The following CSMD2 variants were observed in gnomAD, a reference collection of about 807,000 sequenced individuals.
The protein encoded by CSMD2 is CUB and sushi domain-containing protein 2.
A neutral mutation model predicts 398.5 loss-of-function variants in CSMD2; 130 were observed. The observed-to-expected ratio is 0.33, with a 90% CI of 0.28 to 0.38. The LOEUF (loss-of-function observed/expected upper bound fraction) is 0.38. Among genes scored for constraint, CSMD2 ranks in the 10% least tolerant of loss-of-function variants. The probability of loss-of-function intolerance (pLI) is 1.00; values close to 1 mark genes in which losing one functional copy is unlikely to be tolerated. For missense variants in CSMD2, 3,829 were observed against 4,764.9 expected, an observed-to-expected ratio of 0.80 and a Z score of 5.78; for synonymous variants, 1,828 against 1,908.5, an observed-to-expected ratio of 0.96 and a Z score of 1.10.
chr1:34,118,043 A>G (rs1012971145), intron 1 of CSMD2, among the ~76,000 whole-genome samples: 1 of 152,056 alleles, frequency 6.6e-6, no homozygotes, highest in African/African-American at 2.4e-5. Context: ...GTGAAACCCC[A>G]TCTCTACTAA....
At chr1:33,894,738 C>G (rs1048288857) in intron 5 of CSMD2, among the ~76,000 whole-genome samples, 10 of 152,202 alleles carry the variant, frequency 6.6e-5, no homozygotes, top group African/African-American at 1.9e-4. Flanking sequence ...GGAACCCAAA[C>G]TTGGAAAATA....
chr1:33,895,044 G>T (rs1642285348), intron 5 of CSMD2, among the ~76,000 whole-genome samples: 2 of 152,112 alleles, frequency 1.3e-5, no homozygotes, highest in Non-Finnish European at 2.9e-5. Context: ...AGTAATTCTT[G>T]CCCACCTCAG....
chr1:33,686,048 G>T (rs1003903083), intron 25 of CSMD2, among the ~76,000 whole-genome samples: 4 of 152,196 alleles, frequency 2.6e-5, no homozygotes, highest in Admixed American at 6.5e-5. Flanking sequence ...GTAATTGTCA[G>T]ATCTCAAGGA....
intron 13 of CSMD2, among the ~76,000 whole-genome samples, chr1:33,769,013 C>T (rs140724179): frequency 0.029 from 4,373 of 152,268 alleles, 82 homozygotes; most frequent in Non-Finnish European, 0.042. Context: ...TTGAAAGTGG[C>T]TGCTAATGGA....
At chr1:33,693,077 G>C (rs1365125647) in intron 24 of CSMD2, 21 bp from the exon 25 acceptor site, 3 of 1,582,708 alleles carry the variant, frequency 1.9e-6, no homozygotes, top group Non-Finnish European at 2.6e-6. Flanking sequence ...TCCCAAAAGA[G>C]TGAGCTTCAT....
At chr1:33,767,240 A>G (rs1650622754) in intron 13 of CSMD2, among the ~76,000 whole-genome samples, 1 of 152,252 alleles carries the variant, frequency 6.6e-6, no homozygotes, top group Non-Finnish European at 1.5e-5. Context: ...TCTGATGAAG[A>G]CCACATAACA....
chr1:33,989,987 A>T (rs1036070073), intron 3 of CSMD2, among the ~76,000 whole-genome samples: 1 of 152,166 alleles, frequency 6.6e-6, no homozygotes, highest in Non-Finnish European at 1.5e-5. Flanking sequence ...ATTTTATTGT[A>T]TATTAATTAC....
intron 32 of CSMD2, among the ~76,000 whole-genome samples, chr1:33,628,820 C>CA (rs1194657558): frequency 6.6e-6 from 1 of 151,622 alleles, no homozygotes; most frequent in Non-Finnish European, 1.5e-5. Context: ...TTAACAACAA[C>CA]AAAAAAAGAA....
At chr1:33,594,510 C>A (rs529055450) in intron 44 of CSMD2, among the ~76,000 whole-genome samples, 4 of 152,258 alleles carry the variant, frequency 2.6e-5, no homozygotes, top group African/African-American at 9.6e-5. Flanking sequence ...TTTTTTATTT[C>A]TCTTGGTATC....
chr1:33,697,074 C>G (rs544540720), intron 24 of CSMD2, among the ~76,000 whole-genome samples: 3 of 152,124 alleles, frequency 2.0e-5, no homozygotes, highest in Non-Finnish European at 2.9e-5. Flanking sequence ...AGTTTAAATG[C>G]TCTTATACTG....
Position 33,724,654 on chromosome 1 carries a change from C to A in CSMD2, c.2746G>T (p.Gly916Ter), listed in dbSNP as rs774186042. 1 of 1,614,172 alleles carries A rather than the reference C, an allele frequency of 6.2e-7. No homozygotes were observed. The highest frequency in any genetic ancestry group is 1.1e-5 in the South Asian group (1 of 91,078). The change falls in exon 18 of 71, where the codon GGA becomes TGA. Residue 916 changes from glycine to a stop codon, truncating the protein, a stop_gained. Coordinates refer to ENST00000373381, the MANE Select transcript of CSMD2 (RefSeq NM_001281956.2). LOFTEE classifies it high-confidence loss of function. ...HCLDPGIPVN[G>*]QRHGNDFYVG... ...TAGAAGTCATTCCCATGACGCTGTC[C>A]ATTTACTGGGATTCCTGGATCCAGA...
intron 3 of CSMD2, among the ~76,000 whole-genome samples, chr1:33,962,110 C>T (rs1378886319): frequency 2.0e-5 from 3 of 152,076 alleles, no homozygotes; most frequent in Admixed American, 6.5e-5. Flanking sequence ...CAAATTCATG[C>T]GGTCTGGGCA....
intron 21 of CSMD2, among the ~76,000 whole-genome samples, chr1:33,713,511 C>T (rs1452404242): frequency 6.6e-6 from 1 of 152,196 alleles, no homozygotes; most frequent in Admixed American, 6.5e-5. Flanking sequence ...AGCAAACAGG[C>T]ACCCAGGAGC....
At chr1:33,661,919 T>C (rs552913444) in intron 26 of CSMD2, among the ~76,000 whole-genome samples, 16 of 152,094 alleles carry the variant, frequency 1.1e-4, no homozygotes, top group African/African-American at 2.7e-4. Flanking sequence ...GGAATCACCA[T>C]GGAAACTCCC....
At chr1:33,703,453 T>C (rs1645676162) in intron 22 of CSMD2, among the ~76,000 whole-genome samples, 1 of 152,204 alleles carries the variant, frequency 6.6e-6, no homozygotes, top group African/African-American at 2.4e-5. Context: ...ATTTATTTCC[T>C]AACAGAATAT....
At chr1:33,637,162 G>T (rs549065888) in intron 29 of CSMD2, among the ~76,000 whole-genome samples, 1 of 152,272 alleles carries the variant, frequency 6.6e-6, no homozygotes, top group South Asian at 2.1e-4. Flanking sequence ...TCTGTTGCAG[G>T]TTCTTCTGAG....
intron 1 of CSMD2, among the ~76,000 whole-genome samples, chr1:34,092,892 G>C (rs1214515566): frequency 1.3e-5 from 2 of 152,014 alleles, no homozygotes; most frequent in African/African-American, 2.4e-5. Context: ...AGCTCGAACT[G>C]GGTGGAGCCC....
intron 4 of CSMD2, among the ~76,000 whole-genome samples, chr1:33,920,520 C>T: frequency 9.1e-6 from 1 of 109,480 alleles, no homozygotes; most frequent in African/African-American, 3.3e-5. Flanking sequence ...CCAGCCAGGG[C>T]AATAAGAGCG....
At chr1:33,759,508 G>A (rs911849904) in intron 13 of CSMD2, among the ~76,000 whole-genome samples, 2 of 151,730 alleles carry the variant, frequency 1.3e-5, no homozygotes, top group Non-Finnish European at 2.9e-5. Flanking sequence ...TGTATTTTTA[G>A]TAGAGATGGG....
Sources: gnomAD v4.1 joint callset for allele counts (sites outside exome capture counted in the v4.1 genomes callset) on GRCh38, gnomAD v4.1.1 for gene constraint, MANE v1.5 for transcripts, NCBI Gene and HGNC (gene_info 2026-07-23, HGNC 2026-07-21) for gene names.